RIMS2: variants seen among roughly 807,000 people sequenced by gnomAD.
RIMS2 encodes regulating synaptic membrane exocytosis 2.
A neutral mutation model predicts 174.4 loss-of-function variants in RIMS2; 59 were observed. That is an observed-to-expected ratio of 0.34 (90% CI 0.27 to 0.42). RIMS2 has a LOEUF of 0.42. Ranked by LOEUF, RIMS2 falls within the 10% of genes least tolerant of loss-of-function variation. RIMS2 has a pLI of 1.00. For synonymous variants in RIMS2, 606 were observed against 572.5 expected, an observed-to-expected ratio of 1.06 and a Z score of -0.84; for missense variants, 1,620 against 1,666.3, an observed-to-expected ratio of 0.97 and a Z score of 0.48.
chr8:103,586,471 A>G (rs569066250), intron 1 of RIMS2, among the ~76,000 whole-genome samples: 4 of 152,286 alleles, frequency 2.6e-5, no homozygotes, highest in Admixed American at 2.6e-4. Context: ...AACACATGGA[A>G]ATTAAACAAT....
chr8:104,101,052 CATATGTAATATATGTTATATATTAT>C, intron 19 of RIMS2, among the ~76,000 whole-genome samples: 1 of 138,022 alleles, frequency 7.2e-6, no homozygotes, highest in East Asian at 2.0e-4. Flanking sequence ...TTATATATTA[CATATGTAATATATGTTATATATTAT>C]ATTATATATG....
intron 15 of RIMS2, among the ~76,000 whole-genome samples, chr8:103,969,786 C>T (rs959987860): frequency 3.3e-5 from 5 of 152,154 alleles, no homozygotes; most frequent in African/African-American, 9.6e-5. Flanking sequence ...CTCGCTCAGT[C>T]GCCCAGGATG....
intron 19 of RIMS2, among the ~76,000 whole-genome samples, chr8:104,066,586 G>A (rs576552467): frequency 8.6e-5 from 13 of 152,038 alleles, no homozygotes; most frequent in Non-Finnish European, 1.3e-4. Context: ...ATCTTTTGAA[G>A]TACAAAGAAT....
At chr8:103,558,867 C>A (rs1038529424) in intron 1 of RIMS2, among the ~76,000 whole-genome samples, 1 of 151,920 alleles carries the variant, frequency 6.6e-6, no homozygotes, top group Non-Finnish European at 1.5e-5. Context: ...TTTTAAAAAA[C>A]AAGCAGGGCC....
intron 1 of RIMS2, among the ~76,000 whole-genome samples, chr8:103,630,913 G>A (rs940921676): frequency 7.9e-5 from 12 of 152,096 alleles, no homozygotes; most frequent in Admixed American, 7.9e-4. Flanking sequence ...CTGCACATAT[G>A]TCTTCTTTTG....
At chr8:104,135,796 G>A (rs1379314703) in intron 19 of RIMS2, among the ~76,000 whole-genome samples, 2 of 152,160 alleles carry the variant, frequency 1.3e-5, no homozygotes, top group East Asian at 1.9e-4. Flanking sequence ...AGTTGGTTAA[G>A]TATAAATGAA....
chr8:104,253,758 A>G (rs1285180231), downstream of RIMS2: 1 of 152,250 alleles, frequency 6.6e-6, no homozygotes. Flanking sequence ...TGAAATCCAC[A>G]TACATCTCAT....
intron 19 of RIMS2, chr8:104,094,542 G>A: frequency 1.4e-6 from 1 of 701,834 alleles, no homozygotes; most frequent in Non-Finnish European, 2.6e-6. Context: ...TCATGAGAAG[G>A]AAGAGGTAAA....
intron 19 of RIMS2, among the ~76,000 whole-genome samples, chr8:104,161,088 G>A (rs12542450): frequency 0.28 from 43,128 of 151,974 alleles, 6,293 homozygotes; most frequent in Non-Finnish European, 0.32. Flanking sequence ...TATACTAAGC[G>A]CTTAAAACTT....
intron 17 of RIMS2, among the ~76,000 whole-genome samples, chr8:104,006,432 C>A (rs946501465): frequency 6.6e-6 from 1 of 152,006 alleles, no homozygotes; most frequent in Non-Finnish European, 1.5e-5. Context: ...TGCCTGTAAT[C>A]CCAGCTGCTC....
At chr8:103,627,211 T>C (rs1351400970) in intron 1 of RIMS2, among the ~76,000 whole-genome samples, 16 of 152,198 alleles carry the variant, frequency 1.1e-4, no homozygotes, top group Non-Finnish European at 1.5e-5. Context: ...GCAATATGTC[T>C]CCTACTTGCA....
chr8:104,041,837 A>T (rs1002496844), intron 19 of RIMS2, among the ~76,000 whole-genome samples: 4 of 151,714 alleles, frequency 2.6e-5, no homozygotes, highest in African/African-American at 9.7e-5. Context: ...GAGTTAAGAG[A>T]TGTGGATAAC....
intron 19 of RIMS2, among the ~76,000 whole-genome samples, chr8:104,192,447 T>A (rs966595596): frequency 6.6e-6 from 1 of 152,192 alleles, no homozygotes; most frequent in Admixed American, 6.5e-5. Flanking sequence ...ATTTTCAAAA[T>A]AATATTTCTT....
intron 3 of RIMS2, among the ~76,000 whole-genome samples, chr8:103,840,543 C>T (rs531624828): frequency 6.6e-6 from 1 of 152,080 alleles, no homozygotes; most frequent in Admixed American, 6.5e-5. Flanking sequence ...CCTCTTTTGC[C>T]ACTGTGAAAG....
chr8:103,920,830 A>T (rs1466910782), intron 9 of RIMS2: 1 of 348,418 alleles, frequency 2.9e-6, no homozygotes, highest in Non-Finnish European at 5.5e-6. Flanking sequence ...TCTACTAAAA[A>T]AAAAAAAAAA....
At chr8:103,615,423 G>T (rs777977716) in intron 1 of RIMS2, among the ~76,000 whole-genome samples, 1 of 152,088 alleles carries the variant, frequency 6.6e-6, no homozygotes, top group Non-Finnish European at 1.5e-5. Flanking sequence ...ACATCAAAAA[G>T]TTAGAAAGAT....
At chr8:104,026,501 C>T (rs533141446) in intron 19 of RIMS2, among the ~76,000 whole-genome samples, 4 of 152,004 alleles carry the variant, frequency 2.6e-5, no homozygotes, top group South Asian at 4.2e-4. Context: ...TAAAGCCTAC[C>T]GTATCACCTA....
intron 3 of RIMS2, among the ~76,000 whole-genome samples, chr8:103,832,307 T>C (rs1412669048): frequency 1.3e-5 from 2 of 152,204 alleles, no homozygotes; most frequent in African/African-American, 4.8e-5. Context: ...GCATTTGTTT[T>C]ATGGGTTTTC....
At chr8:103,974,573 C>G (rs887994169) in intron 15 of RIMS2, among the ~76,000 whole-genome samples, 2 of 152,214 alleles carry the variant, frequency 1.3e-5, no homozygotes, top group South Asian at 4.1e-4. Flanking sequence ...TACTTTCCTT[C>G]CATCTCTCCA....
Sources: gnomAD v4.1 joint callset for allele counts (sites outside exome capture counted in the v4.1 genomes callset) on GRCh38, gnomAD v4.1.1 for gene constraint, MANE v1.5 for transcripts, NCBI Gene and HGNC (gene_info 2026-07-23, HGNC 2026-07-21) for gene names.